Variants in KLHL26 observed in about 807,000 individuals in gnomAD.
KLHL26 encodes the protein kelch like family member 26.
KLHL26 carries 4 observed loss-of-function variants against 7.1 expected under a neutral mutation model. That is an observed-to-expected ratio of 0.56 (90% CI 0.28 to 1.28). KLHL26 has a LOEUF of 1.28. Ranked by LOEUF, KLHL26 falls within the 50% of genes most tolerant of loss-of-function variation. KLHL26 has a pLI of 0.11. For synonymous variants in KLHL26, 465 were observed against 414.1 expected (o/e 1.12, Z -1.49); for missense variants, 896 against 924.6 (o/e 0.97, Z 0.40).
In KLHL26 at chr19:18,664,411, G is replaced by T; in HGVS notation, c.234G>T (p.Lys78Asn). The change falls in exon 2 of 3, where the codon AAG (lysine) becomes AAT (asparagine). Residue 78 changes from lysine to asparagine, a missense_variant. Transcript: ENST00000300976. ...TINREAFPAH[K>N]VVLAACSDYF... ...ACAGAGAGGCCTTTCCTGCACACAA[G>T]GTCGTCCTGGCTGCCTGCAGCGACT... is the stretch of plus-strand genomic sequence containing the variant. 6.3e-7 allele frequency: 1 copy of T among 1,597,606 alleles called. No individual in the cohort carries two copies. Among genetic ancestry groups the T allele is most frequent in the Non-Finnish European group, 8.5e-7 (1 of 1,172,450 alleles).
intron 1 of KLHL26, among the ~76,000 whole-genome samples, chr19:18,647,702 T>G (rs1976830363): frequency 6.9e-6 from 1 of 145,328 alleles, no homozygotes; most frequent in South Asian, 2.2e-4. Flanking sequence ...GAGAGGAGGA[T>G]GAGGGGGAAG....
chr19:18,645,079 G>C (rs1400505186), intron 1 of KLHL26, among the ~76,000 whole-genome samples: 1 of 152,214 alleles, frequency 6.6e-6, no homozygotes, highest in African/African-American at 2.4e-5. Context: ...GGTCATTAAT[G>C]ACTGAGCCGA....
rs2052330640 is a variant in KLHL26 at position 18,656,169 on chromosome 19, T to G, written c.84-8092T>G. Among the ~76,000 whole-genome samples, 1 of 151,918 alleles carries G rather than the reference T, an allele frequency of 6.6e-6. No individual in the cohort carries two copies. The highest frequency in any genetic ancestry group is 1.5e-5 in the Non-Finnish European group (1 of 67,960). ...CACGCAGCTTGCCCTGGCTTCATGG[T>G]GGGGTTGGTGGGGGACCTGCAGGAT... On this transcript the variant is annotated intron_variant, in intron 1 of 2. Coordinates refer to ENST00000300976, the MANE Select transcript of KLHL26 (RefSeq NM_018316.3). The surrounding 1 kb of genome is among the most constrained non-coding windows in gnomAD (Gnocchi z 4.4).
In KLHL26 at chr19:18,650,560, GCT is replaced by G. The variant is rs541835694; in HGVS notation, c.83+13428_83+13429del. Among the ~76,000 whole-genome samples the G allele has an allele frequency of 1.6e-3, 239 of 152,272 alleles. No individual in the cohort carries two copies. The highest frequency in any genetic ancestry group is 5.4e-3 in the African/African-American group (224 of 41,560). ...GGCTCCCCCTCCTCGGGTCCTCGTG[GCT>G]CTCTGTCGTGTGAAGCGGGGGGTCA... On this transcript the variant is annotated intron_variant, in intron 1 of 2. Coordinates refer to ENST00000300976, the MANE Select transcript of KLHL26 (RefSeq NM_018316.3). This position sits in a 1 kb window ranked among gnomAD's most constrained non-coding sequence, Gnocchi z 4.2.
chr19:18,666,953 G>T (rs1162798943), intron 2 of KLHL26, among the ~76,000 whole-genome samples: 2 of 152,186 alleles, frequency 1.3e-5, no homozygotes, highest in Non-Finnish European at 2.9e-5. Context: ...TTCTCATCCT[G>T]CACTGCCATA....
intron 1 of KLHL26, among the ~76,000 whole-genome samples, chr19:18,654,721 T>C (rs1029601588): frequency 3.3e-5 from 5 of 150,294 alleles, no homozygotes; most frequent in Admixed American, 1.3e-4. Context: ...ACTCATCCAT[T>C]CACCCCTCCC....
At chr19:18,655,192 G>A (rs2052317435) in intron 1 of KLHL26, among the ~76,000 whole-genome samples, 1 of 152,240 alleles carries the variant, frequency 6.6e-6, no homozygotes, top group African/African-American at 2.4e-5. Context: ...CTTGCAGGGC[G>A]GCTGGAGGAC....
chr19:18,648,239 G>A lies in KLHL26; in HGVS notation c.83+11102G>A, dbSNP rs111285558. 0.1 allele frequency among the ~76,000 whole-genome samples: 15,729 copies of A among 152,186 alleles called. 958 individuals are homozygous for A. The highest frequency in any genetic ancestry group is 0.17 in the African/African-American group (7,009 of 41,508). On this transcript the variant is annotated intron_variant, in intron 1 of 2. Coordinates refer to ENST00000300976, the MANE Select transcript of KLHL26 (RefSeq NM_018316.3). The surrounding 1 kb of genome is among the most constrained non-coding windows in gnomAD (Gnocchi z 4.9). Reference sequence around the variant, plus strand: ...CACAAAACTAGCTGGGCGCAGTGGCGGGTGCTTGTAGTCCCAGCTGCTCTG... The same window carrying A: ...CACAAAACTAGCTGGGCGCAGTGGCAGGTGCTTGTAGTCCCAGCTGCTCTG...
In KLHL26 at chr19:18,667,325, GTGCC is replaced by G. The variant is rs909725903; in HGVS notation, c.267-336_267-333del. 7.3e-5 allele frequency: 29 copies of G among 395,494 alleles called. No homozygotes were observed. The Admixed American group carries it at 1.0e-3, about 14-fold the overall frequency. 24.5% of individuals were successfully genotyped at this position (395,494 alleles called of 1,614,324 possible). A position where few individuals can be genotyped will look rare whatever the true frequency, so the allele number is the denominator to read the frequency against. The stretch of plus-strand genomic sequence containing the variant: ...GCTAGGATTACAGGCGTGAGCCACT[GTGCC>G]TGGCCTTTGCATGTTTTTGTTTGTT... On this transcript the variant is annotated intron_variant, in intron 2 of 2. Coordinates refer to ENST00000300976, the MANE Select transcript of KLHL26 (RefSeq NM_018316.3).
rs867778312 is a variant in KLHL26, at chr19:18,670,450, C to G, written c.*1205C>G. The G allele has an allele frequency of 1.3e-5, 2 of 152,138 alleles. No homozygotes were observed. Among genetic ancestry groups the G allele is most frequent in the Non-Finnish European group, 2.9e-5 (2 of 68,038 alleles). 9.4% of individuals were successfully genotyped at this position (152,138 alleles called of 1,614,324 possible). On this transcript the variant is annotated 3_prime_UTR_variant, in exon 3 of 3. Coordinates refer to ENST00000300976, the MANE Select transcript of KLHL26 (RefSeq NM_018316.3). ...ATTAACCTCCTATCTTAGCAGACATCGTCTCCTAATATTTCCCTTTATTTA... is the reference window on the plus strand; with the variant it reads ...ATTAACCTCCTATCTTAGCAGACATGGTCTCCTAATATTTCCCTTTATTTA...
At chr19:18,666,355 G>A (rs2052447789) in intron 2 of KLHL26, among the ~76,000 whole-genome samples, 1 of 152,180 alleles carries the variant, frequency 6.6e-6, no homozygotes, top group South Asian at 2.1e-4. Flanking sequence ...CACAAGGGAT[G>A]TTCCCTCCTC....
chr19:18,669,198 A>G lies in KLHL26; in HGVS notation c.1801A>G (p.Ile601Val). The G allele has an allele frequency of 3.1e-6, 5 of 1,612,282 alleles. No homozygotes were observed. The highest frequency in any genetic ancestry group is 1.7e-5 in the Admixed American group (1 of 60,022). The change falls in exon 3 of 3, where the codon ATA becomes GTA. Residue 601 changes from isoleucine (I) to valine (V), a missense_variant. By Grantham distance (29) the Ile-to-Val change is conservative. Transcript: ENST00000300976. ...GCACTTCCCGGAGTCCTTCGCAGGC[A>G]TAGCCTGCGCCCCCGTCCTGCTGCC... The part of the protein sequence containing the change: ...DLHFPESFAG[I>V]ACAPVLLPRA...
At position 18,656,394 on chromosome 19, in the gene KLHL26, G is replaced by A. The variant is rs926748396; in HGVS notation, c.84-7867G>A. Among the ~76,000 whole-genome samples, 3 of 150,840 alleles carry A rather than the reference G, an allele frequency of 2.0e-5. No individual in the cohort carries two copies. Among genetic ancestry groups the A allele is most frequent in the African/African-American group, 4.9e-5 (2 of 40,732 alleles). On this transcript the variant is annotated intron_variant, in intron 1 of 2. Coordinates refer to ENST00000300976, the MANE Select transcript of KLHL26 (RefSeq NM_018316.3). This position sits in a 1 kb window ranked among gnomAD's most constrained non-coding sequence, Gnocchi z 4.4. Reference sequence around the variant, plus strand: ...ACTCCCGGTGTGACTTGGGCAGCCCGCCACCCTCTCTGAGCCTTGGCGTCC... The same window carrying A: ...ACTCCCGGTGTGACTTGGGCAGCCCACCACCCTCTCTGAGCCTTGGCGTCC...
At position 18,664,364 on chromosome 19, in the gene KLHL26, C is replaced by T; in HGVS notation, c.187C>T (p.Leu63Phe). 1 of 1,609,930 alleles carries T rather than the reference C, an allele frequency of 6.2e-7. No individual in the cohort carries two copies. The highest frequency in any genetic ancestry group is 8.5e-7 in the Non-Finnish European group (1 of 1,179,852). ...CACCCTCCGCGCTCAGGGCCAGCTC[C>T]TCGATGTTGTGCTGACTATTAACAG... ...LATLRAQGQLLDVVLTINREA... is the reference protein window; with the variant it reads ...LATLRAQGQLFDVVLTINREA... The change falls in exon 2 of 3, where the codon CTC becomes TTC. Residue 63 changes from leucine (L) to phenylalanine (F), a missense_variant. By Grantham distance (22) the Leu-to-Phe change is conservative (BLOSUM62 0). Transcript: ENST00000300976.
chr19:18,669,247 C>T lies in KLHL26; in HGVS notation c.*2C>T. 1 of 1,604,624 alleles carries T rather than the reference C, an allele frequency of 6.2e-7. No homozygotes were observed. Among genetic ancestry groups the T allele is most frequent in the Admixed American group, 1.7e-5 (1 of 59,732 alleles). On this transcript the variant is annotated 3_prime_UTR_variant, in exon 3 of 3. Transcript: ENST00000300976. ...CCCCGGGCCGGGACCAGGAGGTAGC[C>T]CCCAAGACCCCCGGGACCCTGGCCT...
chr19:18,668,303 C>A lies in KLHL26; in HGVS notation c.906C>A (p.Thr302=). The change falls in exon 3 of 3, where the codon ACC becomes ACA. Residue 302 remains threonine (T), a synonymous_variant. Coordinates refer to ENST00000300976, the MANE Select transcript of KLHL26 (RefSeq NM_018316.3). ...AGCACGAGATGCAGTCTCCGCGCACCGCCGTGCGCTCGGATGTGCCCTCGC... is the reference window on the plus strand; with the variant it reads ...AGCACGAGATGCAGTCTCCGCGCACAGCCGTGCGCTCGGATGTGCCCTCGC... ...FRQHEMQSPR[T]AVRSDVPSLV... 1.2e-6 allele frequency: 2 copies of A among 1,611,458 alleles called. No individual in the cohort carries two copies. The highest frequency in any genetic ancestry group is 1.7e-6 in the Non-Finnish European group (2 of 1,179,794).
At chr19:18,662,109 C>T (rs1026439239) in intron 1 of KLHL26, among the ~76,000 whole-genome samples, 2 of 152,162 alleles carry the variant, frequency 1.3e-5, no homozygotes, top group Non-Finnish European at 2.9e-5. Flanking sequence ...CTCCTAAGGA[C>T]TGAGTGGCCC....
At chr19:18,667,529 C>G (rs1439246160) in intron 2 of KLHL26, 135 bp from the exon 3 acceptor site, 1 of 1,417,274 alleles carries the variant, frequency 7.1e-7, no homozygotes, top group Non-Finnish European at 9.3e-7. Context: ...AATGAGCATT[C>G]CGCCTACTTT....
chr19:18,660,672 G>A (rs2052383708), intron 1 of KLHL26, among the ~76,000 whole-genome samples: 1 of 152,122 alleles, frequency 6.6e-6, no homozygotes, highest in East Asian at 1.9e-4. Flanking sequence ...TCGCTTCTCC[G>A]TCCAGGCTGG....
Sources: allele counts gnomAD v4.1 joint callset (sites outside exome capture counted in the v4.1 genomes callset), GRCh38; gene constraint gnomAD v4.1.1; non-coding constraint Gnocchi (gnomAD v3.1); transcripts MANE v1.5; gene names NCBI Gene and HGNC (gene_info 2026-07-23, HGNC 2026-07-21).